CWF19L2: variants seen among roughly 807,000 people sequenced by gnomAD.
CWF19L2 encodes CWF19 like cell cycle control factor 2.
In CWF19L2, 98 loss-of-function variants were observed where a neutral mutation model predicts 111.7. The ratio of observed to expected loss-of-function variants is 0.88; its 90% CI spans 0.75 to 1.04. The LOEUF (loss-of-function observed/expected upper bound fraction) is 1.04. CWF19L2 is among the 50% of genes least tolerant of loss of function. The pLI, the probability that CWF19L2 is intolerant of heterozygous loss-of-function variation, is 0.00. For missense variants in CWF19L2, 1,101 were observed against 1,051.4 expected (o/e 1.05, Z -0.65); for synonymous variants, 351 against 342.9 (o/e 1.02, Z -0.26).
At chr11:107,417,221 T>C (rs542612767) in intron 9 of CWF19L2, among the ~76,000 whole-genome samples, 3 of 152,338 alleles carry the variant, frequency 2.0e-5, no homozygotes, top group East Asian at 1.9e-4. Flanking sequence ...ATCTATTCTA[T>C]CAAGATGTGG....
intron 6 of CWF19L2, among the ~76,000 whole-genome samples, chr11:107,435,251 T>C (rs1025630178): frequency 1.3e-5 from 2 of 152,210 alleles, no homozygotes; most frequent in South Asian, 2.1e-4. Flanking sequence ...AAGCTTATTT[T>C]ACTCTTGCTT....
chr11:107,346,350 A>T (rs1860080165), intron 14 of CWF19L2, among the ~76,000 whole-genome samples: 1 of 152,204 alleles, frequency 6.6e-6, no homozygotes, highest in South Asian at 2.1e-4. Context: ...AAATGAATTT[A>T]AACAATTGTT....
chr11:107,386,141 A>G lies in CWF19L2; in HGVS notation c.1872+3933T>C, dbSNP rs193215684. Among the ~76,000 whole-genome samples the G allele has an allele frequency of 1.4e-3, 211 of 152,286 alleles. 4 individuals are homozygous for G. In the East Asian group the frequency reaches 0.014, roughly 10 times the overall value. On this transcript the variant is annotated intron_variant, in intron 12 of 17. Coordinates refer to ENST00000282251, the MANE Select transcript of CWF19L2 (RefSeq NM_152434.3). ...TGATCATCCCACCTCAGCTTCCTGCATAGCTGAAACTACAGATAAGTACCA... is the reference window on the plus strand; with the variant it reads ...TGATCATCCCACCTCAGCTTCCTGCGTAGCTGAAACTACAGATAAGTACCA...
intron 8 of CWF19L2, among the ~76,000 whole-genome samples, chr11:107,419,837 C>G (rs1861278936): frequency 6.6e-6 from 1 of 151,778 alleles, no homozygotes; most frequent in South Asian, 2.1e-4. Context: ...CGGAAGATAA[C>G]TATTTTTAAA....
At chr11:107,390,280 A>G in intron 11 of CWF19L2, 69 bp from the exon 12 acceptor site, 4 of 1,208,154 alleles carry the variant, frequency 3.3e-6, no homozygotes, top group East Asian at 2.5e-5. Flanking sequence ...GATGGATTAC[A>G]TAAATATCTG....
At chr11:107,334,169 A>G (rs1270088925) in intron 16 of CWF19L2, among the ~76,000 whole-genome samples, 1 of 152,218 alleles carries the variant, frequency 6.6e-6, no homozygotes, top group South Asian at 2.1e-4. Flanking sequence ...TGCCTGGTAA[A>G]TATCAGGCAC....
chr11:107,412,696 T>C (rs530740291), intron 10 of CWF19L2, among the ~76,000 whole-genome samples: 2 of 152,342 alleles, frequency 1.3e-5, no homozygotes, highest in South Asian at 2.1e-4. Context: ...CAGATGTGTA[T>C]AGCAGTTTTA....
chr11:107,437,244 T>TG lies in CWF19L2; in HGVS notation c.664+1845_664+1846insC, dbSNP rs1349672203. Among the ~76,000 whole-genome samples the TG allele has an allele frequency of 2.6e-5, 4 of 152,168 alleles. No homozygotes were observed. The East Asian group carries it at 7.7e-4, about 29-fold the overall frequency. On this transcript the variant is annotated intron_variant, in intron 6 of 17. Coordinates refer to ENST00000282251, the MANE Select transcript of CWF19L2 (RefSeq NM_152434.3). ...CACATTAACTATATAAGATAGGTAA[T>TG]ATCATTATTCCCTATTACATATGAA...
chr11:107,372,790 T>A (rs1033231977), intron 12 of CWF19L2, among the ~76,000 whole-genome samples: 1 of 132,070 alleles, frequency 7.6e-6, no homozygotes, highest in African/African-American at 3.2e-5. Context: ...AAATAGGAAC[T>A]GCTCCGGTCT....
chr11:107,401,681 C>T (rs1861002074), intron 10 of CWF19L2, among the ~76,000 whole-genome samples: 1 of 152,066 alleles, frequency 6.6e-6, no homozygotes, highest in African/African-American at 2.4e-5. Flanking sequence ...AAATTCAACA[C>T]AATCCCCATC....
intron 12 of CWF19L2, among the ~76,000 whole-genome samples, chr11:107,364,455 GA>G (rs1465572197): frequency 1.3e-5 from 2 of 148,402 alleles, no homozygotes; most frequent in Non-Finnish European, 3.0e-5. Context: ...TAAAAGAACA[GA>G]AATTATAACA....
chr11:107,399,924 C>T (rs951295622), intron 10 of CWF19L2, among the ~76,000 whole-genome samples: 20 of 152,056 alleles, frequency 1.3e-4, no homozygotes, highest in Non-Finnish European at 1.5e-4. Flanking sequence ...ACCTTCAAAA[C>T]GATCCAAATA....
At chr11:107,432,311 C>T (rs1446160767) in intron 7 of CWF19L2, among the ~76,000 whole-genome samples, 3 of 152,218 alleles carry the variant, frequency 2.0e-5, no homozygotes, top group African/African-American at 7.2e-5. Context: ...GGCGCAGTGG[C>T]TCACGCCTGT....
chr11:107,427,473 A>G (rs920229211), intron 8 of CWF19L2, among the ~76,000 whole-genome samples: 2 of 152,128 alleles, frequency 1.3e-5, no homozygotes, highest in Admixed American at 6.6e-5. Flanking sequence ...TAGTGTATCT[A>G]TCAGAAGCTT....
At position 107,439,657 on chromosome 11, in the gene CWF19L2, A is replaced by G. The variant is rs1224032618; in HGVS notation, c.571-474T>C. 2.0e-5 allele frequency among the ~76,000 whole-genome samples: 3 copies of G among 152,204 alleles called. No individual in the cohort carries two copies. The East Asian group carries it at 5.8e-4, about 29-fold the overall frequency. Reference sequence around the variant, plus strand: ...AGGGTAGGGAGTATAAAGATGTTCCAGGTAGAAAGAATAACAGCACGTTCT... The same window carrying G: ...AGGGTAGGGAGTATAAAGATGTTCCGGGTAGAAAGAATAACAGCACGTTCT... On this transcript the variant is annotated intron_variant, in intron 5 of 17. Transcript: ENST00000282251.
At position 107,429,217 on chromosome 11, in the gene CWF19L2, T is replaced by C. The variant is rs1302501638; in HGVS notation, c.1015A>G (p.Lys339Glu). The change falls in exon 8 of 18, where the codon AAG (lysine) becomes GAG (glutamate). Residue 339 changes from lysine to glutamate, a missense_variant. Coordinates refer to ENST00000282251, the MANE Select transcript of CWF19L2 (RefSeq NM_152434.3). The stretch of plus-strand genomic sequence containing the variant: ...CACGTTTCTAAAGACCCAGGTCTCT[T>C]ATCTTTTTCATCACCAATAAATTTT... ...NEKFIGDEKD[K>E]RPGSLETCRR... is the part of the protein sequence containing the mutation. 2 of 1,612,796 alleles carry C rather than the reference T, an allele frequency of 1.2e-6. No individual in the cohort carries two copies. Among genetic ancestry groups the C allele is most frequent in the African/African-American group, 1.3e-5 (1 of 74,748 alleles).
intron 12 of CWF19L2, among the ~76,000 whole-genome samples, chr11:107,380,752 C>T (rs1259970147): frequency 6.6e-6 from 1 of 152,136 alleles, no homozygotes; most frequent in East Asian, 1.9e-4. Flanking sequence ...AAATTGAAAG[C>T]AGAGACTTGC....
intron 8 of CWF19L2, among the ~76,000 whole-genome samples, chr11:107,421,261 C>T (rs541410672): frequency 7.2e-5 from 11 of 151,980 alleles, no homozygotes; most frequent in African/African-American, 2.4e-4. Context: ...TGGAATGCTG[C>T]TAATTCAGGG....
chr11:107,368,733 T>C (rs1210678800), intron 12 of CWF19L2, among the ~76,000 whole-genome samples: 1 of 138,308 alleles, frequency 7.2e-6, no homozygotes, highest in Non-Finnish European at 1.6e-5. Flanking sequence ...ACATTTCTTT[T>C]ATAGTCATTT....
Sources: allele counts gnomAD v4.1 joint callset (sites outside exome capture counted in the v4.1 genomes callset), GRCh38; gene constraint gnomAD v4.1.1; transcripts MANE v1.5; gene names NCBI Gene and HGNC (gene_info 2026-07-23, HGNC 2026-07-21).